The following NBEA variants were observed in gnomAD, a reference collection of about 807,000 sequenced individuals.
NBEA encodes the protein lysosomal-trafficking regulator 2.
NBEA carries 44 observed loss-of-function variants against 343.4 expected under a neutral mutation model. The ratio of observed to expected loss-of-function variants is 0.13; its 90% CI spans 0.10 to 0.16. NBEA has a LOEUF of 0.16. Among genes scored for constraint, NBEA ranks in the 10% least tolerant of loss-of-function variants. The pLI, the probability that NBEA is intolerant of heterozygous loss-of-function variation, is 1.00. For synonymous variants in NBEA, 1,175 were observed against 1,238.7 expected, an observed-to-expected ratio of 0.95 and a Z score of 1.08; for missense variants, 2,555 against 3,631.3, an observed-to-expected ratio of 0.70 and a Z score of 7.62.
At chr13:35,508,076 T>C (rs2152984833) in intron 41 of NBEA, among the ~76,000 whole-genome samples, 1 of 152,268 alleles carries the variant, frequency 6.6e-6, no homozygotes, top group South Asian at 2.1e-4. Context: ...AATTGGTAGA[T>C]GAAGAAATAG....
chr13:35,046,472 G>A lies in NBEA; in HGVS notation c.723+1071G>A, dbSNP rs1458198025. 2.0e-5 allele frequency among the ~76,000 whole-genome samples: 3 copies of A among 151,988 alleles called. No individual in the cohort carries two copies. The East Asian group carries it at 5.8e-4, about 29-fold the overall frequency. The stretch of plus-strand genomic sequence containing the variant: ...AAATTTGAGGCATTTAAATGGTTAT[G>A]TACAGTAGTCCCGCCTTATCCATGG... On this transcript the variant is annotated intron_variant, in intron 4 of 58. Transcript: ENST00000379939.
intron 55 of NBEA, among the ~76,000 whole-genome samples, chr13:35,663,063 AT>A (rs2085178394): frequency 6.6e-6 from 1 of 152,242 alleles, no homozygotes; most frequent in African/African-American, 2.4e-5. Flanking sequence ...TAATGATCAA[AT>A]TGGGGTAATT....
chr13:35,531,948 A>G (rs775614929), intron 41 of NBEA, among the ~76,000 whole-genome samples: 5 of 152,246 alleles, frequency 3.3e-5, no homozygotes, highest in Admixed American at 6.5e-5. Flanking sequence ...CTTTTTATAT[A>G]TGTTTTTACA....
At position 35,590,531 on chromosome 13, in the gene NBEA, C is replaced by G. The variant is rs1183496249; in HGVS notation, c.7177-2797C>G. Among the ~76,000 whole-genome samples, 3 of 152,232 alleles carry G rather than the reference C, an allele frequency of 2.0e-5. No homozygotes were observed. The East Asian group carries it at 5.8e-4, about 29-fold the overall frequency. On this transcript the variant is annotated intron_variant, in intron 46 of 58. Coordinates refer to ENST00000379939, the MANE Select transcript of NBEA (RefSeq NM_001385012.1). The stretch of plus-strand genomic sequence containing the variant: ...TCAGATTTCTTTTCACTAAGCCCAT[C>G]TGTGCTATTCTTGGCATGTCTTTGT...
At chr13:35,661,027 T>C (rs1024017646) in intron 55 of NBEA, among the ~76,000 whole-genome samples, 3 of 152,200 alleles carry the variant, frequency 2.0e-5, no homozygotes, top group African/African-American at 7.2e-5. Flanking sequence ...CCCCTCATTC[T>C]AACACCAGTA....
At chr13:35,143,406 A>G (rs1207280351) in intron 18 of NBEA, among the ~76,000 whole-genome samples, 1 of 152,232 alleles carries the variant, frequency 6.6e-6, no homozygotes, top group Non-Finnish European at 1.5e-5. Context: ...ATACCAGTGC[A>G]TACCCATCAT....
intron 34 of NBEA, among the ~76,000 whole-genome samples, chr13:35,239,045 T>C (rs1263704189): frequency 6.6e-6 from 1 of 152,158 alleles, no homozygotes; most frequent in African/African-American, 2.4e-5. Flanking sequence ...AATTTCAGAA[T>C]TATTGTTTTT....
intron 40 of NBEA, among the ~76,000 whole-genome samples, chr13:35,454,729 G>A (rs548172659): frequency 2.6e-5 from 4 of 152,024 alleles, no homozygotes; most frequent in South Asian, 2.1e-4. Context: ...GCATGGTGGC[G>A]GGCACCTGTA....
rs550027729 is a variant in NBEA at position 35,016,088 on chromosome 13, C to A, written c.295-24845C>A. Among the ~76,000 whole-genome samples, 223 of 152,114 alleles carry A rather than the reference C, an allele frequency of 1.5e-3. 1 individual carries two copies. The highest frequency in any genetic ancestry group is 2.8e-3 in the Non-Finnish European group (190 of 67,978). Reference sequence around the variant, plus strand: ...CTTAATTCTTAAAACCCCAGATATTCAAGTATTGTTTACAATTAGGATATA... The same window carrying A: ...CTTAATTCTTAAAACCCCAGATATTAAAGTATTGTTTACAATTAGGATATA... On this transcript the variant is annotated intron_variant, in intron 1 of 58. Transcript: ENST00000379939.
At chr13:34,946,852 T>G (rs920716880) in intron 1 of NBEA, among the ~76,000 whole-genome samples, 2 of 151,464 alleles carry the variant, frequency 1.3e-5, no homozygotes, top group African/African-American at 4.8e-5. Context: ...TTAAGGTTTT[T>G]TTTTTTTTTG....
At chr13:35,163,920 G>A (rs553534620) in intron 23 of NBEA, among the ~76,000 whole-genome samples, 115 of 151,978 alleles carry the variant, frequency 7.6e-4, no homozygotes, top group African/African-American at 2.7e-3. Flanking sequence ...TTAGGTTTTC[G>A]GTTTCAAATT....
In NBEA at chr13:35,113,586, C is replaced by CATCCATCTATCT. The variant is rs1555307443; in HGVS notation, c.2002+2611_2002+2612insCATCTATCTATC. On this transcript the variant is annotated intron_variant, in intron 13 of 58. Coordinates refer to ENST00000379939, the MANE Select transcript of NBEA (RefSeq NM_001385012.1). ...GAAGAACTTGTTTTACTCCTCCACT[C>CATCCATCTATCT]ATCTATCTATCTATCTATCTATCTA... is the stretch of plus-strand genomic sequence containing the variant. Among the ~76,000 whole-genome samples, 1,057 of 146,796 alleles carry CATCCATCTATCT rather than the reference C, an allele frequency of 7.2e-3. 13 individuals carry two copies. The highest frequency in any genetic ancestry group is 0.023 in the African/African-American group (897 of 39,580).
chr13:35,406,394 G>A (rs2043272797), intron 38 of NBEA, among the ~76,000 whole-genome samples: 1 of 149,580 alleles, frequency 6.7e-6, no homozygotes, highest in African/African-American at 2.5e-5. Context: ...TCGAGATTTT[G>A]GTGTACCCAT....
chr13:35,301,094 CTG>C (rs1221836016), intron 35 of NBEA, among the ~76,000 whole-genome samples: 2 of 151,818 alleles, frequency 1.3e-5, no homozygotes, highest in African/African-American at 4.8e-5. Context: ...AGTCCCTTTT[CTG>C]TCTCTCATTT....
chr13:35,431,718 A>G (rs1166668863), intron 38 of NBEA, among the ~76,000 whole-genome samples: 1 of 152,182 alleles, frequency 6.6e-6, no homozygotes, highest in Non-Finnish European at 1.5e-5. Context: ...CATTTTTCTC[A>G]GGTTGCTGTG....
At chr13:35,138,245 T>C (rs1456526435) in intron 17 of NBEA, among the ~76,000 whole-genome samples, 1 of 152,098 alleles carries the variant, frequency 6.6e-6, no homozygotes, top group East Asian at 1.9e-4. Context: ...ATAGTAGAAA[T>C]ATAAATGTAC....
intron 51 of NBEA, among the ~76,000 whole-genome samples, chr13:35,647,384 A>G (rs1810412924): frequency 1.3e-5 from 2 of 152,198 alleles, no homozygotes; most frequent in Admixed American, 1.3e-4. Flanking sequence ...AAACAAATGT[A>G]TAAGGTGTTA....
chr13:35,474,227 A>G (rs985664292), intron 41 of NBEA: 4 of 152,610 alleles, frequency 2.6e-5, no homozygotes, highest in Non-Finnish European at 5.9e-5. Flanking sequence ...ATTTATTACC[A>G]TCTAATTAAA....
intron 10 of NBEA, among the ~76,000 whole-genome samples, chr13:35,094,262 C>G (rs948917481): frequency 2.0e-5 from 3 of 151,892 alleles, no homozygotes; most frequent in African/African-American, 7.3e-5. Context: ...GCTGCCTTGC[C>G]TTTTTATCAG....
Sources: gnomAD v4.1 joint callset for allele counts (sites outside exome capture counted in the v4.1 genomes callset) on GRCh38, gnomAD v4.1.1 for gene constraint, MANE v1.5 for transcripts, NCBI Gene and HGNC (gene_info 2026-07-23, HGNC 2026-07-21) for gene names.